Variants in CLVS2 observed in about 807,000 individuals in gnomAD.
CLVS2 encodes the protein clavesin-2.
CLVS2 carries 19 observed loss-of-function variants against 29.0 expected under a neutral mutation model. The observed-to-expected ratio is 0.66, with a 90% CI of 0.46 to 0.96. The LOEUF (loss-of-function observed/expected upper bound fraction) is 0.96, where lower values mean the gene tolerates loss of function less well. Among genes scored for constraint, CLVS2 ranks in the 40% least tolerant of loss-of-function variants. The probability of loss-of-function intolerance (pLI) is 0.00; values close to 1 mark genes in which losing one functional copy is unlikely to be tolerated. For synonymous variants in CLVS2, 161 were observed against 151.3 expected (o/e 1.06, Z -0.47); for missense variants, 294 against 404.1 (o/e 0.73, Z 2.34).
Position 122,997,590 on chromosome 6 carries a change from A to C in CLVS2, c.-188A>C. The C allele has an allele frequency of 9.9e-5, 50 of 506,688 alleles. No homozygotes were observed. The highest frequency in any genetic ancestry group is 2.2e-4 in the East Asian group (6 of 27,264). 31.4% of individuals were successfully genotyped at this position (506,688 alleles called of 1,614,324 possible). A position where few individuals can be genotyped will look rare whatever the true frequency, so the allele number is the denominator to read the frequency against. ...GAAGTTTACACCCCCCGGCCCCCCC[A>C]GCTTTGCTGGGGGAAAGCAGGAGCA... On this transcript the variant is annotated 5_prime_UTR_variant, in exon 2 of 6. Transcript: ENST00000275162.
At chr6:123,017,088 ATGTGTGTG>A (rs61643251) in intron 3 of CLVS2, among the ~76,000 whole-genome samples, 17 of 149,198 alleles carry the variant, frequency 1.1e-4, no homozygotes, top group East Asian at 4.0e-4. Flanking sequence ...GCATGTGTGT[ATGTGTGTG>A]TGTGTGTGTG....
At chr6:123,035,249 T>C (rs1775136933) in intron 3 of CLVS2, among the ~76,000 whole-genome samples, 1 of 152,138 alleles carries the variant, frequency 6.6e-6, no homozygotes, top group Admixed American at 6.6e-5. Flanking sequence ...TTTTTGATTT[T>C]TTTTTTTCAT....
chr6:123,046,426 G>A (rs747277671), intron 3 of CLVS2, among the ~76,000 whole-genome samples: 6 of 152,118 alleles, frequency 3.9e-5, no homozygotes, highest in South Asian at 4.1e-4. Context: ...TTGGGAGGCC[G>A]AGGTGGGCGA....
chr6:123,049,810 G>C (rs56164155), intron 4 of CLVS2, among the ~76,000 whole-genome samples: 37,461 of 131,716 alleles, frequency 0.28, 6,106 homozygotes, highest in East Asian at 0.69. Flanking sequence ...GGGATGGGGG[G>C]CGGGGAGGAA....
chr6:123,031,773 A>G (rs1455109200), intron 3 of CLVS2, among the ~76,000 whole-genome samples: 1 of 151,762 alleles, frequency 6.6e-6, no homozygotes, highest in African/African-American at 2.4e-5. Context: ...CCAGGGATGT[A>G]TTGGAAGTCT....
rs1163661186 is a variant in CLVS2 at position 123,064,417 on chromosome 6, G to A, written c.*656G>A. ...TTCTTGGAATCTTGTGAAAAGATGT[G>A]TTTCCTCAATTAAGACGTAGAAATG... On this transcript the variant is annotated 3_prime_UTR_variant, in exon 6 of 6. Transcript: ENST00000275162. 1 of 151,916 alleles carries A rather than the reference G, an allele frequency of 6.6e-6. No homozygotes were observed. Among genetic ancestry groups the A allele is most frequent in the East Asian group, 1.9e-4 (1 of 5,192 alleles). 9.4% of individuals were successfully genotyped at this position (151,916 alleles called of 1,614,324 possible).
rs919295737 is a variant in CLVS2 at position 123,071,547 on chromosome 6, A to G, written c.*7786A>G. ...AACTACATGGAATTGTTCTTTATGG[A>G]TTATCATGGTTAATTTCAATTTTTA... On this transcript the variant is annotated 3_prime_UTR_variant, in exon 6 of 6. Transcript: ENST00000275162. 3.3e-5 allele frequency: 5 copies of G among 151,980 alleles called. No homozygotes were observed. The highest frequency in any genetic ancestry group is 1.2e-4 in the African/African-American group (5 of 41,428). The allele number at this position is 151,980 out of a possible 1,614,324, so 9.4% of individuals were successfully genotyped here.
chr6:123,031,169 C>T (rs1442546374), intron 3 of CLVS2, among the ~76,000 whole-genome samples: 2 of 152,014 alleles, frequency 1.3e-5, no homozygotes, highest in African/African-American at 4.8e-5. Flanking sequence ...CAGGGTTTCG[C>T]CATGTTGCCC....
chr6:123,049,674 A>G (rs6569318), intron 4 of CLVS2, among the ~76,000 whole-genome samples: 15,169 of 151,946 alleles, frequency 0.1, 2,589 homozygotes, highest in African/African-American at 0.35. Flanking sequence ...TCTATATGGA[A>G]GATAATTTTC....
In CLVS2 at chr6:123,064,528, C is replaced by CT. The variant is rs1242397716; in HGVS notation, c.*768dup. The CT allele has an allele frequency of 6.6e-6, 1 of 151,862 alleles. No individual in the cohort carries two copies. The highest frequency in any genetic ancestry group is 1.5e-5 in the Non-Finnish European group (1 of 67,868). 9.4% of individuals were successfully genotyped at this position (151,862 alleles called of 1,614,324 possible). On this transcript the variant is annotated 3_prime_UTR_variant, in exon 6 of 6. Coordinates refer to ENST00000275162, the MANE Select transcript of CLVS2 (RefSeq NM_001010852.4). ...CTATTATATTTCTTCCTAATGTACTCTAAGTACATTTCCCCTCCAAAACTC... is the reference window on the plus strand; with the variant it reads ...CTATTATATTTCTTCCTAATGTACTCTTAAGTACATTTCCCCTCCAAAACTC...
chr6:123,050,043 A>G (rs745628488), intron 4 of CLVS2, among the ~76,000 whole-genome samples: 50 of 152,352 alleles, frequency 3.3e-4, no homozygotes, highest in Middle Eastern at 6.8e-3. Context: ...TACAATAATT[A>G]CATGTTCATA....
chr6:123,006,851 A>G (rs1774676404), intron 2 of CLVS2, among the ~76,000 whole-genome samples: 1 of 152,142 alleles, frequency 6.6e-6, no homozygotes, highest in Non-Finnish European at 1.5e-5. Context: ...ATGATTTGGT[A>G]ACTCCAGGAG....
intron 5 of CLVS2, among the ~76,000 whole-genome samples, chr6:123,063,296 A>G (rs937906080): frequency 7.2e-5 from 11 of 152,134 alleles, no homozygotes; most frequent in Non-Finnish European, 1.6e-4. Context: ...TATCATAATA[A>G]TCATTTCACT....
intron 3 of CLVS2, among the ~76,000 whole-genome samples, chr6:123,013,811 T>TC (rs1031119450): frequency 1.4e-5 from 2 of 143,606 alleles, no homozygotes; most frequent in Admixed American, 1.4e-4. Context: ...CCCTCCCTCC[T>TC]CCCCCCACCC....
At chr6:123,048,183 CTG>C (rs1772544489) in intron 3 of CLVS2, among the ~76,000 whole-genome samples, 1 of 151,916 alleles carries the variant, frequency 6.6e-6, no homozygotes, top group South Asian at 2.1e-4. Flanking sequence ...ATTTCTCACA[CTG>C]TAGATGACTA....
At chr6:123,053,523 G>T (rs1582663875) in intron 4 of CLVS2, among the ~76,000 whole-genome samples, 1 of 152,248 alleles carries the variant, frequency 6.6e-6, no homozygotes, top group African/African-American at 2.4e-5. Flanking sequence ...CTGGGAATTG[G>T]ATACTGAATT....
At chr6:123,009,368 A>G (rs928463674) in intron 2 of CLVS2, among the ~76,000 whole-genome samples, 3 of 152,140 alleles carry the variant, frequency 2.0e-5, no homozygotes, top group African/African-American at 7.2e-5. Context: ...CTAGGATTCT[A>G]AACAAGATTC....
At chr6:123,038,450 T>G (rs890008025) in intron 3 of CLVS2, among the ~76,000 whole-genome samples, 3 of 152,042 alleles carry the variant, frequency 2.0e-5, no homozygotes, top group East Asian at 1.9e-4. Context: ...TTGTGCCAAT[T>G]TTTTTTAAAG....
intron 5 of CLVS2, 104 bp downstream of exon 5, chr6:123,056,130 G>T: frequency 1.3e-6 from 1 of 754,738 alleles, no homozygotes; most frequent in South Asian, 1.7e-5. Flanking sequence ...TTTCTGGTGG[G>T]ATTTTAAAAC....
Sources: gnomAD v4.1 joint callset for allele counts (sites outside exome capture counted in the v4.1 genomes callset) on GRCh38, gnomAD v4.1.1 for gene constraint, MANE v1.5 for transcripts, NCBI Gene and HGNC (gene_info 2026-07-23, HGNC 2026-07-21) for gene names.